GNAS: variants seen among roughly 807,000 people sequenced by gnomAD.
GNAS encodes the protein protein ALEX.
GNAS carries 8 observed loss-of-function variants against 54.5 expected under a neutral mutation model. The ratio of observed to expected loss-of-function variants is 0.15; its 90% confidence interval spans 0.09 to 0.26. The LOEUF is 0.26. GNAS is among the 10% of genes least tolerant of loss of function. The pLI, the probability that GNAS is intolerant of heterozygous loss-of-function variation, is 1.00. For missense variants in GNAS, 170 were observed against 529.8 expected (o/e 0.32, Z 6.67); for synonymous variants, 204 against 191.4 (o/e 1.07, Z -0.54).
chr20:58,868,526 C>T (rs1356498225), intron 1 of GNAS, among the ~76,000 whole-genome samples: 1 of 146,164 alleles, frequency 6.8e-6, no homozygotes, highest in Non-Finnish European at 1.5e-5. Flanking sequence ...AAGGCAGGCT[C>T]AAAGTGGGGC....
At chr20:58,868,872 C>T (rs2087240351) in intron 1 of GNAS, among the ~76,000 whole-genome samples, 1 of 152,100 alleles carries the variant, frequency 6.6e-6, no homozygotes, top group Admixed American at 6.5e-5. Flanking sequence ...GAAAGCAAGG[C>T]TACTCAGAAC....
At chr20:58,855,220 C>A in intron 1 of GNAS, 1 of 1,598,152 alleles carries the variant, frequency 6.3e-7, no homozygotes, top group East Asian at 2.3e-5. Flanking sequence ...CGCAAAGAAG[C>A]CCTGGAGAAG....
At chr20:58,881,212 A>G (rs1301828491) in intron 1 of GNAS, among the ~76,000 whole-genome samples, 1 of 152,222 alleles carries the variant, frequency 6.6e-6, no homozygotes, top group African/African-American at 2.4e-5. Context: ...GTTAAATAAC[A>G]CCAGAATATG....
chr20:58,894,541 G>A (rs1220242571), intron 1 of GNAS, among the ~76,000 whole-genome samples: 2 of 152,220 alleles, frequency 1.3e-5, no homozygotes, highest in African/African-American at 4.8e-5. Context: ...ACAGATTTGT[G>A]TGGAAGGAGG....
intron 3 of GNAS, among the ~76,000 whole-genome samples, chr20:58,901,289 T>C (rs2090580535): frequency 6.6e-6 from 1 of 152,194 alleles, no homozygotes; most frequent in African/African-American, 2.4e-5. Context: ...GATGTTAGAC[T>C]GTAATACCAA....
rs1200034515 is a variant in GNAS, at chr20:58,873,039, A to C, written c.44-22573A>C. ...CTCAAGGCGTTAGCCTCATCCCATCAGGAGGAGTTCAGACTCTCCCCAAGC... is the reference window on the plus strand; with the variant it reads ...CTCAAGGCGTTAGCCTCATCCCATCCGGAGGAGTTCAGACTCTCCCCAAGC... On this transcript the variant is annotated intron_variant, in intron 1 of 12. Transcript: ENST00000306090. The surrounding 1 kb of genome is among the most constrained non-coding windows in gnomAD (Gnocchi z 4.3). 6.6e-6 allele frequency among the ~76,000 whole-genome samples: 1 copy of C among 152,160 alleles called. No homozygotes were observed. The highest frequency in any genetic ancestry group is 1.9e-4 in the East Asian group (1 of 5,192).
chr20:58,869,806 T>A (rs2087316225), intron 1 of GNAS, among the ~76,000 whole-genome samples: 1 of 152,208 alleles, frequency 6.6e-6, no homozygotes, highest in Non-Finnish European at 1.5e-5. Context: ...GAAGGTGTCC[T>A]CTCTAAGGAT....
intron 1 of GNAS, chr20:58,892,106 C>G: frequency 2.1e-6 from 2 of 968,024 alleles, no homozygotes; most frequent in Non-Finnish European, 2.5e-6. Flanking sequence ...CCCCCTCCCC[C>G]GGCCTGCCCG....
At chr20:58,865,294 T>C (rs957473761) in intron 1 of GNAS, among the ~76,000 whole-genome samples, 4 of 151,524 alleles carry the variant, frequency 2.6e-5, no homozygotes, top group African/African-American at 7.3e-5. Context: ...GGCGGGCACC[T>C]ATAATCCCAG....
At position 58,854,411 on chromosome 20, in the gene GNAS, C is replaced by T. The variant is rs1448481528; in HGVS notation, c.43+13525C>T. On this transcript the variant is annotated intron_variant, in intron 1 of 12. Coordinates refer to the GNAS transcript ENST00000306090. ...CCTCTCCGGGGTACGGATCCCCTGC[C>T]GCCGGGGCAGCCTCAGCGGATACCG... The T allele has an allele frequency of 9.6e-6, 15 of 1,566,858 alleles. No homozygotes were observed. The South Asian group carries it at 1.2e-4, about 12-fold the overall frequency.
intron 6 of GNAS, among the ~76,000 whole-genome samples, chr20:58,906,781 C>G (rs1006120795): frequency 1.3e-5 from 2 of 152,150 alleles, no homozygotes; most frequent in East Asian, 1.9e-4. Context: ...CCACCTGCCT[C>G]GGCCTCCCAA....
intron 1 of GNAS, among the ~76,000 whole-genome samples, chr20:58,871,891 C>A (rs910760115): frequency 4.6e-5 from 7 of 152,156 alleles, no homozygotes; most frequent in Non-Finnish European, 8.8e-5. Flanking sequence ...AAGTGATTAT[C>A]CTTCTACCAG....
chr20:58,896,412 C>T (rs923909565), intron 2 of GNAS, among the ~76,000 whole-genome samples: 1 of 152,066 alleles, frequency 6.6e-6, no homozygotes, highest in African/African-American at 2.4e-5. Context: ...GAAGTCCTCC[C>T]AGGTATCCTG....
Position 58,910,722 on chromosome 20 carries a change from T to TA in GNAS, c.1079dup (p.Tyr360Ter). The change falls in exon 13 of 13, where the codon TAC becomes TAAC. Residue 360 changes from tyrosine (Y) to a stop codon, truncating the protein, a stop_gained and frameshift_variant. Coordinates refer to ENST00000371085, the MANE Select transcript of GNAS (RefSeq NM_000516.7). LOFTEE classifies it high-confidence loss of function. The surrounding 1 kb of genome is among the most constrained non-coding windows in gnomAD (Gnocchi z 5.8). The stretch of plus-strand genomic sequence containing the variant: ...CAGTGGAGATGGGCGTCACTACTGC[T>TA]ACCCTCATTTCACCTGCGCTGTGGA... ...TASGDGRHYC[Y>*]PHFTCAVDTE... 6.2e-7 allele frequency: 1 copy of TA among 1,614,094 alleles called. No individual in the cohort carries two copies. Among genetic ancestry groups the TA allele is most frequent in the Non-Finnish European group, 8.5e-7 (1 of 1,179,930 alleles).
At chr20:58,897,964 C>G (rs1027357980) in intron 2 of GNAS, 1 of 152,222 alleles carries the variant, frequency 6.6e-6, no homozygotes, top group Non-Finnish European at 1.5e-5. Flanking sequence ...TAGGGCTCGG[C>G]TGAGCTATTA....
chr20:58,871,927 G>A (rs1205956605), intron 1 of GNAS, among the ~76,000 whole-genome samples: 2 of 152,186 alleles, frequency 1.3e-5, no homozygotes, highest in African/African-American at 2.4e-5. Flanking sequence ...CTGCCAAGGA[G>A]GGTGTGGCTG....
At chr20:58,868,002 C>G (rs982014247) in intron 1 of GNAS, among the ~76,000 whole-genome samples, 1 of 151,210 alleles carries the variant, frequency 6.6e-6, no homozygotes, top group Non-Finnish European at 1.5e-5. Context: ...ATAGTGGACA[C>G]CTCTCCTGTT....
At chr20:58,901,561 TCCCCACCCCAGACACC>T (rs2090604208) in intron 3 of GNAS, among the ~76,000 whole-genome samples, 1 of 92,620 alleles carries the variant, frequency 1.1e-5, no homozygotes. Context: ...CTGTCCCCCC[TCCCCACCCCAGACACC>T]CCCCACCACT....
Position 58,854,605 on chromosome 20 carries a change from C to T in GNAS, c.43+13719C>T, listed in dbSNP as rs1200605369. 2 of 1,539,876 alleles carry T rather than the reference C, an allele frequency of 1.3e-6. No individual in the cohort carries two copies. The highest frequency in any genetic ancestry group is 1.7e-6 in the Non-Finnish European group (2 of 1,150,430). On this transcript the variant is annotated intron_variant, in intron 1 of 12. Transcript: ENST00000306090. ...GCCGATCCCGACTCCGGGGCGGCCC[C>T]TGACGCCCCAGCCGATCCCGACTCC...
Sources: allele counts gnomAD v4.1 joint callset (sites outside exome capture counted in the v4.1 genomes callset), GRCh38; gene constraint gnomAD v4.1.1; non-coding constraint Gnocchi (gnomAD v3.1); transcripts MANE v1.5; gene names NCBI Gene and HGNC (gene_info 2026-07-23, HGNC 2026-07-21).